MAGI2: variants seen among roughly 807,000 people sequenced by gnomAD.
The protein encoded by MAGI2 is membrane-associated guanylate kinase, WW and PDZ domain-containing protein 2.
Under a neutral mutation model 133.3 loss-of-function variants are expected in MAGI2, and 35 were observed. The observed-to-expected ratio is 0.26, with a 90% CI of 0.20 to 0.35. The LOEUF (loss-of-function observed/expected upper bound fraction) is 0.35. Among genes scored for constraint, MAGI2 ranks in the 10% least tolerant of loss-of-function variants. MAGI2 has a pLI of 1.00. For synonymous variants in MAGI2, 729 were observed against 710.6 expected, an observed-to-expected ratio of 1.03 and a Z score of -0.41; for missense variants, 1,636 against 1,863.4, an observed-to-expected ratio of 0.88 and a Z score of 2.25.
intron 1 of MAGI2, among the ~76,000 whole-genome samples, chr7:79,375,203 G>A (rs1188018221): frequency 2.0e-5 from 3 of 151,938 alleles, no homozygotes; most frequent in South Asian, 2.1e-4. Context: ...AATAAATACC[G>A]ATTGAGTATA....
chr7:78,578,852 C>T (rs532179382), intron 3 of MAGI2, among the ~76,000 whole-genome samples: 2 of 152,306 alleles, frequency 1.3e-5, no homozygotes, highest in African/African-American at 4.8e-5. Flanking sequence ...AAGCAAAATA[C>T]TCCCAGGCCT....
At chr7:78,238,645 C>T (rs751078441) in intron 10 of MAGI2, among the ~76,000 whole-genome samples, 1 of 152,136 alleles carries the variant, frequency 6.6e-6, no homozygotes, top group Non-Finnish European at 1.5e-5. Flanking sequence ...CTTACCTCAT[C>T]CACTCCTAAC....
intron 9 of MAGI2, among the ~76,000 whole-genome samples, chr7:78,335,044 T>C (rs957052985): frequency 6.6e-6 from 1 of 152,224 alleles, no homozygotes; most frequent in African/African-American, 2.4e-5. Flanking sequence ...TGTTTTTACA[T>C]GTTGTCTAGG....
intron 1 of MAGI2, among the ~76,000 whole-genome samples, chr7:79,011,922 TTC>T (rs1808169587): frequency 1.6e-5 from 2 of 127,696 alleles, no homozygotes; most frequent in African/African-American, 3.3e-5. Context: ...CCTTCCTTCC[TTC>T]CTTTCTTTCT....
At chr7:79,056,044 T>A (rs1044908347) in intron 1 of MAGI2, among the ~76,000 whole-genome samples, 1 of 152,176 alleles carries the variant, frequency 6.6e-6, no homozygotes, top group African/African-American at 2.4e-5. Flanking sequence ...GTTAACCTCA[T>A]AAATAAGTTT....
At chr7:78,597,997 A>G (rs1368093614) in intron 3 of MAGI2, among the ~76,000 whole-genome samples, 1 of 152,196 alleles carries the variant, frequency 6.6e-6, no homozygotes. Context: ...GGTAAAAACA[A>G]TATATTCTAA....
rs1793113766 is a variant in MAGI2 at position 78,487,173 on chromosome 7, GGAA to G, written c.1045+2585_1045+2587del. On this transcript the variant is annotated intron_variant, in intron 6 of 21. Transcript: ENST00000354212. ...ACAGGAAGTAGCTGCAGCAGGATGG[GGAA>G]AAAAAAAAAAAAAAGCCAAAATACC... 5 of 148,424 alleles carry G rather than the reference GGAA, an allele frequency of 3.4e-5. 1 individual carries two copies. Among genetic ancestry groups the G allele is most frequent in the South Asian group, 1.5e-4 (1 of 6,896 alleles). 9.2% of individuals were successfully genotyped at this position (148,424 alleles called of 1,614,324 possible).
Position 79,453,322 on chromosome 7 carries a change from G to A in MAGI2, c.-2C>T. The A allele has an allele frequency of 6.2e-7, 1 of 1,601,292 alleles. No homozygotes were observed. Among genetic ancestry groups the A allele is most frequent in the Non-Finnish European group, 8.5e-7 (1 of 1,172,738 alleles). On this transcript the variant is annotated 5_prime_UTR_variant, in exon 1 of 22. Coordinates refer to ENST00000354212, the MANE Select transcript of MAGI2 (RefSeq NM_012301.4). ...TTTCTTTTTCAAGCTTTTGGACATG[G>A]CAGTGGGGCGAGTCGCCTCAGTTCC...
chr7:78,754,981 G>A (rs903349784), intron 2 of MAGI2, among the ~76,000 whole-genome samples: 1 of 152,042 alleles, frequency 6.6e-6, no homozygotes, highest in Non-Finnish European at 1.5e-5. Context: ...TCACCTTGAC[G>A]GATGGTCTCT....
intron 9 of MAGI2, among the ~76,000 whole-genome samples, chr7:78,290,787 A>G (rs982489033): frequency 1.3e-5 from 2 of 152,188 alleles, no homozygotes; most frequent in Admixed American, 6.5e-5. Flanking sequence ...TAAGAAACTC[A>G]CTCAAAAACC....
intron 2 of MAGI2, among the ~76,000 whole-genome samples, chr7:78,697,605 A>G (rs1295699635): frequency 6.6e-6 from 1 of 152,186 alleles, no homozygotes; most frequent in Non-Finnish European, 1.5e-5. Flanking sequence ...TAATAGCAAT[A>G]CAAAAAAAGA....
intron 3 of MAGI2, among the ~76,000 whole-genome samples, chr7:78,555,066 G>C (rs1181089065): frequency 6.6e-6 from 1 of 151,916 alleles, no homozygotes; most frequent in African/African-American, 2.4e-5. Flanking sequence ...TTGAGTCCAG[G>C]AGGTTGAGGC....
intron 1 of MAGI2, among the ~76,000 whole-genome samples, chr7:79,384,926 A>G (rs1456180942): frequency 6.6e-6 from 1 of 151,720 alleles, no homozygotes; most frequent in African/African-American, 2.4e-5. Context: ...ATACTATTTC[A>G]CAGATAGTTT....
At chr7:78,305,927 G>T (rs1306731949) in intron 9 of MAGI2, among the ~76,000 whole-genome samples, 1 of 152,070 alleles carries the variant, frequency 6.6e-6, no homozygotes, top group Non-Finnish European at 1.5e-5. Flanking sequence ...AAATAATGTG[G>T]CATAATTTTT....
intron 21 of MAGI2, among the ~76,000 whole-genome samples, chr7:78,054,227 G>C (rs917571368): frequency 6.6e-6 from 1 of 152,128 alleles, no homozygotes; most frequent in Non-Finnish European, 1.5e-5. Flanking sequence ...CTGGGTTCCA[G>C]CTATTCTCCT....
intron 1 of MAGI2, among the ~76,000 whole-genome samples, chr7:79,443,099 C>G (rs1848598029): frequency 6.6e-6 from 1 of 151,976 alleles, no homozygotes; most frequent in Admixed American, 6.6e-5. Flanking sequence ...TGGTAAAACC[C>G]CATCTCTAGT....
chr7:78,522,813 C>T (rs1796620682), intron 3 of MAGI2, among the ~76,000 whole-genome samples: 1 of 152,148 alleles, frequency 6.6e-6, no homozygotes, highest in Non-Finnish European at 1.5e-5. Context: ...TCAGTGTTTT[C>T]AGTTAATTGA....
At chr7:78,304,329 C>A (rs999072779) in intron 9 of MAGI2, among the ~76,000 whole-genome samples, 1 of 152,178 alleles carries the variant, frequency 6.6e-6, no homozygotes, top group African/African-American at 2.4e-5. Flanking sequence ...GCCACTCCAG[C>A]CAAGGATGCT....
intron 4 of MAGI2, among the ~76,000 whole-genome samples, chr7:78,520,673 A>AATTTT (rs1796419113): frequency 6.6e-6 from 1 of 152,160 alleles, no homozygotes; most frequent in Admixed American, 6.5e-5. Context: ...AATTATGAAT[A>AATTTT]ATTTTATTTT....
Sources: gnomAD v4.1 joint callset for allele counts (sites outside exome capture counted in the v4.1 genomes callset) on GRCh38, gnomAD v4.1.1 for gene constraint, MANE v1.5 for transcripts, NCBI Gene and HGNC (gene_info 2026-07-23, HGNC 2026-07-21) for gene names.